CNTNAP2: variants seen among roughly 807,000 people sequenced by gnomAD.
CNTNAP2 encodes the protein contactin-associated protein-like 2.
In CNTNAP2, 98 loss-of-function variants were observed where a neutral mutation model predicts 155.2. The ratio of observed to expected loss-of-function variants is 0.63; its 90% CI spans 0.54 to 0.75. The LOEUF is 0.75. CNTNAP2 is among the 30% of genes least tolerant of loss of function. CNTNAP2 has a pLI of 0.00. For missense variants in CNTNAP2, 1,727 were observed against 1,688.1 expected, an observed-to-expected ratio of 1.02 and a Z score of -0.40; for synonymous variants, 651 against 631.2, an observed-to-expected ratio of 1.03 and a Z score of -0.47.
At chr7:146,543,975 A>T (rs2129141473) in intron 1 of CNTNAP2, among the ~76,000 whole-genome samples, 1 of 152,040 alleles carries the variant, frequency 6.6e-6, no homozygotes. Flanking sequence ...TCTGATTATG[A>T]AGTCTTCATT....
chr7:146,351,392 T>A (rs2129098740), intron 1 of CNTNAP2, among the ~76,000 whole-genome samples: 1 of 152,280 alleles, frequency 6.6e-6, no homozygotes, highest in South Asian at 2.1e-4. Context: ...ATTTGTTTGA[T>A]GGGTTTTTAT....
intron 4 of CNTNAP2, among the ~76,000 whole-genome samples, chr7:147,085,467 A>C (rs1359250181): frequency 2.6e-5 from 4 of 152,120 alleles, no homozygotes; most frequent in East Asian, 1.9e-4. Context: ...CACTCATGAG[A>C]ATCTAGTGCC....
At chr7:146,806,085 A>G (rs1426427807) in intron 2 of CNTNAP2, among the ~76,000 whole-genome samples, 1 of 152,164 alleles carries the variant, frequency 6.6e-6, no homozygotes, top group Non-Finnish European at 1.5e-5. Flanking sequence ...AATGCTTGTC[A>G]AAAGCTTTAA....
intron 21 of CNTNAP2, among the ~76,000 whole-genome samples, chr7:148,330,899 A>AT (rs1797986565): frequency 1.3e-5 from 1 of 78,088 alleles, no homozygotes; most frequent in Non-Finnish European, 3.1e-5. Context: ...GATGGATGGA[A>AT]TGGACGGATG....
chr7:147,475,630 C>G (rs147224916), intron 10 of CNTNAP2, among the ~76,000 whole-genome samples: 12 of 151,504 alleles, frequency 7.9e-5, no homozygotes, highest in Non-Finnish European at 1.6e-4. Context: ...TTTGGTCACT[C>G]AAGATTTAAA....
intron 14 of CNTNAP2, among the ~76,000 whole-genome samples, chr7:147,922,147 G>A (rs1251769106): frequency 6.6e-6 from 1 of 152,188 alleles, no homozygotes; most frequent in African/African-American, 2.4e-5. Flanking sequence ...GCATGTCGAT[G>A]CAAATTACAA....
intron 1 of CNTNAP2, among the ~76,000 whole-genome samples, chr7:146,295,665 C>T (rs1308257798): frequency 6.6e-6 from 1 of 151,858 alleles, no homozygotes; most frequent in Non-Finnish European, 1.5e-5. Flanking sequence ...AACATTTTGC[C>T]TATTTTTAAA....
At chr7:146,828,631 A>G (rs1415238912) in intron 2 of CNTNAP2, among the ~76,000 whole-genome samples, 1 of 152,064 alleles carries the variant, frequency 6.6e-6, no homozygotes, top group African/African-American at 2.4e-5. Flanking sequence ...GAAAAATACT[A>G]CTACCTGAGA....
intron 14 of CNTNAP2, among the ~76,000 whole-genome samples, chr7:147,953,943 A>G (rs141160647): frequency 4.9e-4 from 75 of 152,324 alleles, no homozygotes; most frequent in African/African-American, 1.7e-3. Context: ...CAAAGGTCAT[A>G]TCGAGAAGTA....
At chr7:146,319,174 T>C (rs1800959330) in intron 1 of CNTNAP2, among the ~76,000 whole-genome samples, 1 of 152,248 alleles carries the variant, frequency 6.6e-6, no homozygotes, top group Middle Eastern at 3.4e-3. Flanking sequence ...GTCAGATAAC[T>C]TTTACTGTGC....
intron 13 of CNTNAP2, among the ~76,000 whole-genome samples, chr7:147,802,814 G>GGAGAGGGAGAGA (rs1459386314): frequency 6.6e-6 from 1 of 150,858 alleles, no homozygotes; most frequent in African/African-American, 2.4e-5. Flanking sequence ...AGAGGGAGAG[G>GGAGAGGGAGAGA]GAGAGGGAGA....
At chr7:148,351,631 T>A (rs992130372) in intron 21 of CNTNAP2, among the ~76,000 whole-genome samples, 3 of 150,994 alleles carry the variant, frequency 2.0e-5, no homozygotes, top group African/African-American at 4.9e-5. Context: ...CAATCCCACC[T>A]ACTCAGGAGG....
At chr7:148,367,415 T>C (rs1344067742) in intron 21 of CNTNAP2, among the ~76,000 whole-genome samples, 1 of 152,116 alleles carries the variant, frequency 6.6e-6, no homozygotes, top group Non-Finnish European at 1.5e-5. Context: ...AATATGTTAA[T>C]ACATAATATC....
chr7:146,600,379 C>A (rs1798931647), intron 1 of CNTNAP2, among the ~76,000 whole-genome samples: 1 of 152,010 alleles, frequency 6.6e-6, no homozygotes, highest in Non-Finnish European at 1.5e-5. Flanking sequence ...AAAATACTTA[C>A]AAAATAGTTA....
intron 17 of CNTNAP2, among the ~76,000 whole-genome samples, chr7:148,158,247 A>G: frequency 2.8e-5 from 1 of 36,264 alleles, no homozygotes; most frequent in Non-Finnish European, 4.4e-5. Context: ...TTTTTGAGAC[A>G]GAGTCTCCCT....
intron 4 of CNTNAP2, among the ~76,000 whole-genome samples, chr7:147,096,425 C>T (rs1260161018): frequency 3.3e-5 from 5 of 152,202 alleles, no homozygotes; most frequent in Admixed American, 3.3e-4. Flanking sequence ...CAACATATCC[C>T]AAACACTGCA....
intron 8 of CNTNAP2, among the ~76,000 whole-genome samples, chr7:147,266,235 G>A (rs191471986): frequency 4.6e-5 from 7 of 152,282 alleles, no homozygotes; most frequent in African/African-American, 9.6e-5. Context: ...TAAGGACCAC[G>A]ATAAAAGGCT....
intron 13 of CNTNAP2, among the ~76,000 whole-genome samples, chr7:147,713,728 T>A (rs1291048849): frequency 6.6e-6 from 1 of 152,132 alleles, no homozygotes; most frequent in African/African-American, 2.4e-5. Flanking sequence ...CTGTTTTCTA[T>A]GGTGGTGTAG....
intron 5 of CNTNAP2, among the ~76,000 whole-genome samples, chr7:147,115,374 G>A (rs1026984140): frequency 6.6e-6 from 1 of 152,104 alleles, no homozygotes; most frequent in Non-Finnish European, 1.5e-5. Flanking sequence ...TTCTTCCTAG[G>A]TTGGGGAAGT....
Sources: gnomAD v4.1 joint callset for allele counts (sites outside exome capture counted in the v4.1 genomes callset) on GRCh38, gnomAD v4.1.1 for gene constraint, MANE v1.5 for transcripts, NCBI Gene and HGNC (gene_info 2026-07-23, HGNC 2026-07-21) for gene names.